DACH1: variants seen among roughly 807,000 people sequenced by gnomAD.
DACH1 encodes the protein dachshund homolog 1.
A neutral mutation model predicts 54.2 loss-of-function variants in DACH1; 12 were observed. That is an observed-to-expected ratio of 0.22 (90% CI 0.14 to 0.36). The LOEUF is 0.36. Among genes scored for constraint, DACH1 ranks in the 10% least tolerant of loss-of-function variants. The probability of loss-of-function intolerance (pLI) is 1.00; values close to 1 mark genes in which losing one functional copy is unlikely to be tolerated. For missense variants in DACH1, 805 were observed against 929.8 expected (o/e 0.87, Z 1.75); for synonymous variants, 386 against 366.2 (o/e 1.05, Z -0.62).
chr13:71,859,838 T>C (rs935328646), intron 1 of DACH1, among the ~76,000 whole-genome samples: 2 of 151,872 alleles, frequency 1.3e-5, no homozygotes, highest in Non-Finnish European at 3.0e-5. Context: ...CAAATAAAAG[T>C]TAGTTACAAG....
intron 2 of DACH1, among the ~76,000 whole-genome samples, chr13:71,644,556 G>A (rs1000910307): frequency 2.0e-5 from 3 of 152,110 alleles, no homozygotes; most frequent in Non-Finnish European, 4.4e-5. Context: ...GCAATGTTTT[G>A]CATCATACCT....
chr13:71,446,414 G>A (rs1016538556), intron 10 of DACH1, among the ~76,000 whole-genome samples: 1 of 152,182 alleles, frequency 6.6e-6, no homozygotes, highest in Non-Finnish European at 1.5e-5. Flanking sequence ...TATCAGTAAA[G>A]CTAACATTTT....
chr13:71,546,557 T>C (rs1408058302), intron 6 of DACH1, among the ~76,000 whole-genome samples: 3 of 152,024 alleles, frequency 2.0e-5, no homozygotes, highest in African/African-American at 7.2e-5. Flanking sequence ...TATTGAGCAT[T>C]CATTCTTAAA....
chr13:71,756,156 G>A (rs894163713), intron 1 of DACH1, among the ~76,000 whole-genome samples: 5 of 151,608 alleles, frequency 3.3e-5, no homozygotes, highest in African/African-American at 4.8e-5. Context: ...TCAGTCTCCC[G>A]AGTACCTGGG....
intron 1 of DACH1, among the ~76,000 whole-genome samples, chr13:71,759,173 A>G (rs749413045): frequency 1.1e-4 from 17 of 151,888 alleles, no homozygotes; most frequent in Non-Finnish European, 1.9e-4. Context: ...CTGCACTAAG[A>G]CTTGATGACC....
chr13:71,760,704 CTTTTTCAGTGCCATTGGCCAA>C (rs1885368566), intron 1 of DACH1, among the ~76,000 whole-genome samples: 1 of 152,078 alleles, frequency 6.6e-6, no homozygotes, highest in African/African-American at 2.4e-5. Flanking sequence ...GTGAGGATTT[CTTTTTCAGTGCCATTGGCCAA>C]TTTATCTTTC....
At chr13:71,674,440 T>TACACACACAC (rs57078245) in intron 2 of DACH1, among the ~76,000 whole-genome samples, 6 of 141,046 alleles carry the variant, frequency 4.3e-5, no homozygotes, top group East Asian at 2.1e-4. Flanking sequence ...AGGGAGATTT[T>TACACACACAC]ACACACACAC....
intron 1 of DACH1, among the ~76,000 whole-genome samples, chr13:71,705,344 G>A (rs1316527231): frequency 2.7e-5 from 4 of 150,898 alleles, no homozygotes; most frequent in Non-Finnish European, 2.9e-5. Flanking sequence ...GCTCTAAAGC[G>A]CTATTTAGGG....
chr13:71,770,285 T>C (rs1885799825), intron 1 of DACH1, among the ~76,000 whole-genome samples: 1 of 151,634 alleles, frequency 6.6e-6, no homozygotes, highest in Non-Finnish European at 1.5e-5. Flanking sequence ...ATCTTCACAC[T>C]CACCGAACAG....
chr13:71,565,359 A>T (rs2138396597), intron 4 of DACH1, among the ~76,000 whole-genome samples: 1 of 152,282 alleles, frequency 6.6e-6, no homozygotes, highest in South Asian at 2.1e-4. Context: ...ACCAGGCAGG[A>T]TCTAGGTTCT....
intron 3 of DACH1, among the ~76,000 whole-genome samples, chr13:71,582,474 C>T (rs1872922843): frequency 6.6e-6 from 1 of 152,048 alleles, no homozygotes; most frequent in Non-Finnish European, 1.5e-5. Context: ...AAAGACAAAA[C>T]CAAATAGACA....
At chr13:71,550,552 C>A (rs1249487546) in intron 6 of DACH1, among the ~76,000 whole-genome samples, 1 of 152,096 alleles carries the variant, frequency 6.6e-6, no homozygotes, top group African/African-American at 2.4e-5. Flanking sequence ...ATATTTTATA[C>A]CAATTGCCCA....
At chr13:71,605,181 T>C (rs1874782253) in intron 3 of DACH1, among the ~76,000 whole-genome samples, 1 of 151,948 alleles carries the variant, frequency 6.6e-6, no homozygotes, top group African/African-American at 2.4e-5. Flanking sequence ...ACTATGCCTG[T>C]ATACTAAAAG....
chr13:71,667,666 T>C (rs944535274), intron 2 of DACH1, among the ~76,000 whole-genome samples: 14 of 152,120 alleles, frequency 9.2e-5, no homozygotes, highest in African/African-American at 3.1e-4. Flanking sequence ...GAGAAAGCAA[T>C]TGCCATTATA....
intron 1 of DACH1, among the ~76,000 whole-genome samples, chr13:71,732,161 T>A (rs551773904): frequency 6.6e-6 from 1 of 152,190 alleles, no homozygotes; most frequent in Admixed American, 6.5e-5. Context: ...GACTTATTTT[T>A]TTCCTTGAAT....
intron 1 of DACH1, among the ~76,000 whole-genome samples, chr13:71,838,764 C>A (rs1888900363): frequency 6.6e-6 from 1 of 152,180 alleles, no homozygotes. Context: ...AAGGCACTAT[C>A]CTTTGCACTT....
intron 1 of DACH1, among the ~76,000 whole-genome samples, chr13:71,780,855 C>T (rs557800036): frequency 2.6e-5 from 4 of 152,138 alleles, no homozygotes; most frequent in Middle Eastern, 3.4e-3. Context: ...AAGAATAGGC[C>T]GGTCTCAGTG....
intron 6 of DACH1, 99 bp downstream of exon 6, chr13:71,556,925 T>G: frequency 8.0e-7 from 1 of 1,247,984 alleles, no homozygotes; most frequent in South Asian, 1.8e-5. Context: ...ATATGCTTTT[T>G]TTTTACATGA....
chr13:71,659,858 G>T (rs1281489334), intron 2 of DACH1, among the ~76,000 whole-genome samples: 1 of 152,072 alleles, frequency 6.6e-6, no homozygotes, highest in Non-Finnish European at 1.5e-5. Flanking sequence ...GACATTGGCT[G>T]TCTGATTTTA....
Sources: allele counts gnomAD v4.1 joint callset (sites outside exome capture counted in the v4.1 genomes callset), GRCh38; gene constraint gnomAD v4.1.1; transcripts MANE v1.5; gene names NCBI Gene and HGNC (gene_info 2026-07-23, HGNC 2026-07-21).